FBXL17: variants seen among roughly 807,000 people sequenced by gnomAD.
FBXL17 encodes F-box and leucine rich repeat protein 17.
Under a neutral mutation model 66.2 loss-of-function variants are expected in FBXL17, and 22 were observed. The observed-to-expected ratio is 0.33, with a 90% CI of 0.24 to 0.47. FBXL17 has a LOEUF of 0.47. Ranked by LOEUF, FBXL17 falls within the 20% of genes least tolerant of loss-of-function variation. The pLI, the probability that FBXL17 is intolerant of heterozygous loss-of-function variation, is 1.00. For missense variants in FBXL17, 878 were observed against 948.2 expected (o/e 0.93, Z 0.97); for synonymous variants, 474 against 400.5 (o/e 1.18, Z -2.19).
Position 108,380,618 on chromosome 5 carries a change from G to T in FBXL17, c.993+81C>A, listed in dbSNP as rs557164541. ...GGGAACCCCCCTCCTCCGCGCTTAG[G>T]GGGAGGAGAGAGAAAGCCTCGGAGG... On this transcript the variant is annotated intron_variant, in intron 1 of 8. Coordinates refer to ENST00000542267, the MANE Select transcript of FBXL17 (RefSeq NM_001163315.3). The T allele has an allele frequency of 1.1e-5, 10 of 924,916 alleles. No individual in the cohort carries two copies. In the South Asian group the frequency reaches 2.7e-4, roughly 25 times the overall value. 57.3% of individuals were successfully genotyped at this position (924,916 alleles called of 1,614,324 possible). A position where few individuals can be genotyped will look rare whatever the true frequency, so the allele number is the denominator to read the frequency against.
chr5:108,079,134 T>G (rs1327716869), intron 6 of FBXL17, among the ~76,000 whole-genome samples: 1 of 150,962 alleles, frequency 6.6e-6, no homozygotes, highest in East Asian at 1.9e-4. Flanking sequence ...TGGGCATGAG[T>G]CACCAGGCCT....
chr5:107,870,588 T>A (rs977928844), intron 8 of FBXL17, among the ~76,000 whole-genome samples: 2 of 151,468 alleles, frequency 1.3e-5, no homozygotes, highest in African/African-American at 4.9e-5. Context: ...AGGTATTTAA[T>A]ACCTTTTTTT....
At position 108,130,241 on chromosome 5, in the gene FBXL17, GA is replaced by G. The variant is rs560493832; in HGVS notation, c.1745+55875del. Among the ~76,000 whole-genome samples the G allele has an allele frequency of 3.3e-4, 49 of 147,590 alleles. 1 individual carries two copies. In the South Asian group the frequency reaches 3.7e-3, roughly 11 times the overall value. ...ACTTGGATTAGGAAAGAAATGACAGGAAAAAAAAAATATCCCTTTCATATGC... is the reference window on the plus strand; with the variant it reads ...ACTTGGATTAGGAAAGAAATGACAGGAAAAAAAAATATCCCTTTCATATGC... On this transcript the variant is annotated intron_variant, in intron 6 of 8. Transcript: ENST00000542267.
intron 8 of FBXL17, chr5:107,878,383 T>A: frequency 1.3e-6 from 1 of 761,272 alleles, no homozygotes. Flanking sequence ...ATTTTATATA[T>A]AATAGACATT....
chr5:108,193,939 T>G (rs1283978126), intron 5 of FBXL17, among the ~76,000 whole-genome samples: 1 of 152,152 alleles, frequency 6.6e-6, no homozygotes, highest in African/African-American at 2.4e-5. Flanking sequence ...TTCATTCTGT[T>G]TTGCTTTCTA....
chr5:108,207,382 A>C (rs1351993378), intron 5 of FBXL17, among the ~76,000 whole-genome samples: 3 of 151,876 alleles, frequency 2.0e-5, no homozygotes, highest in Admixed American at 2.0e-4. Context: ...CAGAACGTGC[A>C]GTTTTGTTAC....
In FBXL17 at chr5:108,365,086, T is replaced by C. The variant is rs955708402; in HGVS notation, c.1117-91A>G. ...ATTAAATGTTCCACAATAAACAATA[T>C]ACTAATTAGATTATAGCATGAACGA... On this transcript the variant is annotated intron_variant, in intron 2 of 8. Coordinates refer to ENST00000542267, the MANE Select transcript of FBXL17 (RefSeq NM_001163315.3). The C allele has an allele frequency of 1.3e-5, 11 of 861,906 alleles. No homozygotes were observed. The South Asian group carries it at 2.0e-4, about 16-fold the overall frequency. The allele number at this position is 861,906 out of a possible 1,614,324, so 53.4% of individuals were successfully genotyped here.
At chr5:108,309,316 GAAATTGACC>G (rs1487884713) in intron 4 of FBXL17, among the ~76,000 whole-genome samples, 14 of 151,844 alleles carry the variant, frequency 9.2e-5, no homozygotes, top group Non-Finnish European at 1.6e-4. Context: ...AGTCTGAAAT[GAAATTGACC>G]AAATTATTAA....
intron 4 of FBXL17, among the ~76,000 whole-genome samples, chr5:108,346,112 T>C (rs968441036): frequency 3.3e-5 from 5 of 152,158 alleles, no homozygotes; most frequent in African/African-American, 1.2e-4. Context: ...CTTAAAGCTA[T>C]GGCTTCGCAA....
At chr5:108,277,114 T>C (rs1757514470) in intron 4 of FBXL17, among the ~76,000 whole-genome samples, 1 of 152,164 alleles carries the variant, frequency 6.6e-6, no homozygotes, top group Admixed American at 6.5e-5. Context: ...GCTTTACAAC[T>C]GACATTGCCT....
intron 5 of FBXL17, among the ~76,000 whole-genome samples, chr5:108,188,848 T>A (rs993307253): frequency 2.6e-5 from 4 of 152,222 alleles, no homozygotes; most frequent in African/African-American, 9.6e-5. Context: ...GCTTTTTTTT[T>A]AAGTATCTAA....
At chr5:108,297,907 G>A in intron 4 of FBXL17, 6 of 956,070 alleles carry the variant, frequency 6.3e-6, no homozygotes, top group Non-Finnish European at 7.5e-6. Context: ...AGCAAAATCA[G>A]AATCCATATA....
intron 5 of FBXL17, among the ~76,000 whole-genome samples, chr5:108,222,840 A>T (rs571770225): frequency 5.0e-4 from 76 of 151,792 alleles, no homozygotes; most frequent in African/African-American, 1.6e-3. Flanking sequence ...ATGCCCAGCT[A>T]ATTTTTGTCT....
chr5:108,093,335 G>A (rs1240866877), intron 6 of FBXL17, among the ~76,000 whole-genome samples: 1 of 149,462 alleles, frequency 6.7e-6, no homozygotes, highest in African/African-American at 2.5e-5. Context: ...TGGAACTACT[G>A]CCCCCTTGAG....
At chr5:108,212,468 T>C (rs1754418274) in intron 5 of FBXL17, among the ~76,000 whole-genome samples, 1 of 152,182 alleles carries the variant, frequency 6.6e-6, no homozygotes, top group African/African-American at 2.4e-5. Context: ...TCTTTGTGAT[T>C]TACCTACCTT....
At chr5:108,148,159 G>A (rs750572021) in intron 6 of FBXL17, among the ~76,000 whole-genome samples, 1 of 152,054 alleles carries the variant, frequency 6.6e-6, no homozygotes, top group Non-Finnish European at 1.5e-5. Context: ...GATAGGGAAG[G>A]GAGAAAAGAA....
rs192179499 is a variant in FBXL17, at chr5:107,942,900, T to G, written c.1823-61721A>C. Among the ~76,000 whole-genome samples the G allele has an allele frequency of 3.4e-4, 52 of 152,346 alleles. 1 individual carries two copies. In the South Asian group the frequency reaches 8.1e-3, roughly 24 times the overall value. On this transcript the variant is annotated intron_variant, in intron 7 of 8. Coordinates refer to ENST00000542267, the MANE Select transcript of FBXL17 (RefSeq NM_001163315.3). ...TATTTTGGCAACTGCTTCATCATGC[T>G]GACTGCTCTGACAAAAGTCACCAAT...
intron 7 of FBXL17, among the ~76,000 whole-genome samples, chr5:107,920,346 A>G (rs1750271318): frequency 1.3e-5 from 2 of 152,188 alleles, no homozygotes; most frequent in African/African-American, 4.8e-5. Context: ...CAGAGATTAA[A>G]GGCGTCTGCC....
rs188905321 is a variant in FBXL17 at position 107,943,771 on chromosome 5, A to G, written c.1823-62592T>C. Among the ~76,000 whole-genome samples, 110 of 152,280 alleles carry G rather than the reference A, an allele frequency of 7.2e-4. 2 individuals are homozygous for G. In the Middle Eastern group the frequency reaches 0.014, roughly 19 times the overall value. Reference sequence around the variant, plus strand: ...TGGTGAAAGAGACTGTACAGTCCATAAAACCTGAAATATTTACTACCTGGT... The same window carrying G: ...TGGTGAAAGAGACTGTACAGTCCATGAAACCTGAAATATTTACTACCTGGT... On this transcript the variant is annotated intron_variant, in intron 7 of 8. Coordinates refer to ENST00000542267, the MANE Select transcript of FBXL17 (RefSeq NM_001163315.3).
Sources: allele counts gnomAD v4.1 joint callset (sites outside exome capture counted in the v4.1 genomes callset), GRCh38; gene constraint gnomAD v4.1.1; transcripts MANE v1.5; gene names NCBI Gene and HGNC (gene_info 2026-07-23, HGNC 2026-07-21).